PRH1: variants seen among roughly 807,000 people sequenced by gnomAD.
PRH1 encodes the protein proline rich protein HaeIII subfamily 1.
Under a neutral mutation model 7.9 loss-of-function variants are expected in PRH1, and 7 were observed. That is an observed-to-expected ratio of 0.89 (90% CI 0.50 to 1.67). PRH1 has a LOEUF of 1.67. PRH1 is among the 40% of genes most tolerant of loss of function. PRH1 has a pLI of 0.00. For synonymous variants in PRH1, 45 were observed against 80.8 expected (o/e 0.56, Z 2.38); for missense variants, 109 against 223.6 (o/e 0.49, Z 3.27).
intron 1 of PRH1, among the ~76,000 whole-genome samples, chr12:11,010,950 A>G (rs1320146399): frequency 6.6e-6 from 1 of 151,982 alleles, no homozygotes; most frequent in African/African-American, 2.4e-5. Context: ...TATACTACAC[A>G]TATTTCTTTA....
intron 1 of PRH1, among the ~76,000 whole-genome samples, chr12:11,069,874 AC>A (rs1943988151): frequency 6.6e-6 from 1 of 152,224 alleles, no homozygotes; most frequent in Admixed American, 6.5e-5. Flanking sequence ...CCCCTTGATA[AC>A]AGATGCTGAA....
At chr12:11,122,052 G>A (rs1375308378) in intron 1 of PRH1, among the ~76,000 whole-genome samples, 1 of 152,128 alleles carries the variant, frequency 6.6e-6, no homozygotes, top group East Asian at 1.9e-4. Context: ...ATAATTTATG[G>A]TCAGTGTTGT....
At chr12:10,883,030 CAG>C (rs1949432272) in intron 2 of PRH1, 29 bp downstream of exon 2, 1 of 1,603,232 alleles carries the variant, frequency 6.2e-7, no homozygotes, top group African/African-American at 1.3e-5. Flanking sequence ...AAAATGGAGA[CAG>C]AGTTTACTGA....
intron 2 of PRH1, chr12:10,964,883 T>A: frequency 3.6e-6 from 2 of 562,078 alleles, no homozygotes; most frequent in South Asian, 3.5e-5. Context: ...TCCTTCATAT[T>A]CTTTTGTCCA....
At chr12:10,987,576 C>G (rs931863246) in intron 1 of PRH1, among the ~76,000 whole-genome samples, 2 of 151,848 alleles carry the variant, frequency 1.3e-5, no homozygotes, top group African/African-American at 4.8e-5. Flanking sequence ...GACTGTGACA[C>G]CCCTAAGAGA....
At chr12:10,909,726 A>T (rs1949867243) in intron 2 of PRH1, among the ~76,000 whole-genome samples, 2 of 152,234 alleles carry the variant, frequency 1.3e-5, no homozygotes, top group South Asian at 4.1e-4. Context: ...TAAAAATCTG[A>T]TTCATAGAAT....
rs531756375 is a variant in PRH1 at position 11,010,412 on chromosome 12, A to G, written c.-126+36608T>C. 5.8e-4 allele frequency among the ~76,000 whole-genome samples: 88 copies of G among 151,942 alleles called. No homozygotes were observed. The South Asian group carries it at 0.018, about 31-fold the overall frequency. ...AGGGCAATGGGAGAACACTATTTTAATTTTTCTTCATGGCCTTATAATTCT... is the reference window on the plus strand; with the variant it reads ...AGGGCAATGGGAGAACACTATTTTAGTTTTTCTTCATGGCCTTATAATTCT... On this transcript the variant is annotated intron_variant, in intron 1 of 3. Coordinates refer to the PRH1 transcript ENST00000539853.
intron 2 of PRH1, among the ~76,000 whole-genome samples, chr12:10,925,303 G>A (rs972013733): frequency 6.6e-6 from 1 of 152,128 alleles, no homozygotes; most frequent in African/African-American, 2.4e-5. Flanking sequence ...CCAGGACACA[G>A]GGGCACTCTC....
chr12:11,115,437 A>G (rs759036695), intron 1 of PRH1, among the ~76,000 whole-genome samples: 31 of 152,288 alleles, frequency 2.0e-4, no homozygotes, highest in Non-Finnish European at 3.7e-4. Context: ...GAAAGCCTCA[A>G]TACAATAATA....
intron 1 of PRH1, among the ~76,000 whole-genome samples, chr12:10,995,294 C>T (rs181462469): frequency 3.5e-3 from 536 of 151,730 alleles, no homozygotes; most frequent in Non-Finnish European, 4.8e-3. Flanking sequence ...ATGATCTCTA[C>T]TTTTATGGTA....
intron 1 of PRH1, among the ~76,000 whole-genome samples, chr12:11,129,517 T>C (rs1946260444): frequency 6.6e-6 from 1 of 152,298 alleles, no homozygotes; most frequent in Non-Finnish European, 1.5e-5. Context: ...TTACAGGGGA[T>C]GGTAGTCTTT....
At chr12:10,934,710 T>A (rs2135876748) in intron 2 of PRH1, among the ~76,000 whole-genome samples, 1 of 152,270 alleles carries the variant, frequency 6.6e-6, no homozygotes, top group East Asian at 1.9e-4. Flanking sequence ...AAAAGATTAT[T>A]TTGCCCCAGA....
At chr12:10,902,207 A>T (rs539252565) in intron 2 of PRH1, among the ~76,000 whole-genome samples, 2 of 152,254 alleles carry the variant, frequency 1.3e-5, no homozygotes, top group Non-Finnish European at 2.9e-5. Flanking sequence ...TTACTTAAGG[A>T]ATTATAAAGT....
intron 1 of PRH1, among the ~76,000 whole-genome samples, chr12:11,065,181 G>C (rs951209623): frequency 6.6e-6 from 1 of 152,056 alleles, no homozygotes; most frequent in Non-Finnish European, 1.5e-5. Context: ...ATTTTTGTCT[G>C]TTGAAAATCA....
intron 2 of PRH1, among the ~76,000 whole-genome samples, chr12:10,894,305 T>C (rs543706036): frequency 6.6e-6 from 1 of 152,306 alleles, no homozygotes; most frequent in East Asian, 1.9e-4. Flanking sequence ...ATGGTCAAGA[T>C]TGTAACATTT....
chr12:10,997,546 G>A, intron 1 of PRH1: 5 of 1,614,024 alleles, frequency 3.1e-6, no homozygotes, highest in South Asian at 1.1e-5. Context: ...AGAAATTGAC[G>A]ATCTTGAGCA....
intron 2 of PRH1, among the ~76,000 whole-genome samples, chr12:10,904,972 G>T (rs1949781949): frequency 6.7e-6 from 1 of 149,554 alleles, no homozygotes; most frequent in African/African-American, 2.5e-5. Flanking sequence ...ACCACAAAGA[G>T]ATACCATCTC....
At chr12:11,030,625 T>A (rs116926686) in intron 1 of PRH1, 24,296 of 1,614,142 alleles carry the variant, frequency 0.015, 125 homozygotes, top group Middle Eastern at 0.03. Context: ...AAACGGCACA[T>A]AACAAGAGGA....
At chr12:11,021,315 A>G (rs1005893780) in intron 1 of PRH1, among the ~76,000 whole-genome samples, 5 of 152,188 alleles carry the variant, frequency 3.3e-5, no homozygotes, top group African/African-American at 9.6e-5. Flanking sequence ...ACAATGGAAA[A>G]GAGAAATGAT....
Sources: allele counts gnomAD v4.1 joint callset (sites outside exome capture counted in the v4.1 genomes callset), GRCh38; gene constraint gnomAD v4.1.1; transcripts MANE v1.5; gene names NCBI Gene and HGNC (gene_info 2026-07-23, HGNC 2026-07-21).